KTN1: variants seen among roughly 807,000 people sequenced by gnomAD.
KTN1 encodes kinectin.
A neutral mutation model predicts 222.5 loss-of-function variants in KTN1; 130 were observed. That is an observed-to-expected ratio of 0.58 (90% CI 0.51 to 0.68). KTN1 has a LOEUF of 0.68. KTN1 is among the 30% of genes least tolerant of loss of function. The pLI, the probability that KTN1 is intolerant of heterozygous loss-of-function variation, is 0.00. For synonymous variants in KTN1, 512 were observed against 496.3 expected, an observed-to-expected ratio of 1.03 and a Z score of -0.42; for missense variants, 1,508 against 1,500.4, an observed-to-expected ratio of 1.01 and a Z score of -0.08.
chr14:55,610,847 T>G (rs1385178445), intron 1 of KTN1, among the ~76,000 whole-genome samples: 1 of 152,260 alleles, frequency 6.6e-6, no homozygotes, highest in Non-Finnish European at 1.5e-5. Flanking sequence ...GTAAGTGATA[T>G]GTATATTCAA....
At chr14:55,614,470 C>T (rs2038056510) in intron 2 of KTN1, among the ~76,000 whole-genome samples, 1 of 152,190 alleles carries the variant, frequency 6.6e-6, no homozygotes, top group African/African-American at 2.4e-5. Flanking sequence ...TAAAGCTGAT[C>T]TCCCAAGTTC....
chr14:55,618,261 G>A lies in KTN1; in HGVS notation c.832+127G>A, dbSNP rs925961787. 5.8e-6 allele frequency: 4 copies of A among 688,308 alleles called. 1 individual carries two copies. Among genetic ancestry groups the A allele is most frequent in the Admixed American group, 3.6e-5 (1 of 28,100 alleles). 42.6% of individuals were successfully genotyped at this position (688,308 alleles called of 1,614,324 possible). A position where few individuals can be genotyped will look rare whatever the true frequency, so the allele number is the denominator to read the frequency against. Reference sequence around the variant, plus strand: ...AAAGAATCAAATCCTTGTGGTAGAAGACTTATTGGTAGTCTTTTAGTCCAG... The same window carrying A: ...AAAGAATCAAATCCTTGTGGTAGAAAACTTATTGGTAGTCTTTTAGTCCAG... On this transcript the variant is annotated intron_variant, in intron 4 of 43. Transcript: ENST00000395314.
At chr14:55,604,284 C>T (rs986468631) in intron 1 of KTN1, among the ~76,000 whole-genome samples, 2 of 152,138 alleles carry the variant, frequency 1.3e-5, no homozygotes, top group African/African-American at 4.8e-5. Context: ...GCTTGCTCTT[C>T]CCTCATTCAC....
At chr14:55,653,485 C>T in intron 27 of KTN1, 74 bp from the exon 28 acceptor site, 2 of 1,097,156 alleles carry the variant, frequency 1.8e-6, no homozygotes, top group East Asian at 2.4e-5. Flanking sequence ...GTGGGTGATT[C>T]CATATATATG....
At chr14:55,669,035 T>C (rs1024347651) in intron 34 of KTN1, among the ~76,000 whole-genome samples, 1 of 152,120 alleles carries the variant, frequency 6.6e-6, no homozygotes, top group African/African-American at 2.4e-5. Context: ...AAATTGAACC[T>C]AAGAGAAAGG....
chr14:55,620,562 G>A (rs2038998077), intron 5 of KTN1, among the ~76,000 whole-genome samples: 1 of 152,158 alleles, frequency 6.6e-6, no homozygotes, highest in Non-Finnish European at 1.5e-5. Flanking sequence ...TGACTTCTGT[G>A]CACCCACAGG....
chr14:55,628,362 G>A (rs1347574426), intron 6 of KTN1, among the ~76,000 whole-genome samples: 1 of 152,194 alleles, frequency 6.6e-6, no homozygotes, highest in Non-Finnish European at 1.5e-5. Context: ...TCTTGTTTAA[G>A]TCTGATTAAT....
At chr14:55,587,338 A>G (rs1183002454) in intron 1 of KTN1, among the ~76,000 whole-genome samples, 1 of 152,172 alleles carries the variant, frequency 6.6e-6, no homozygotes. Context: ...ACAATTTGAA[A>G]CATGAATTTC....
chr14:55,659,611 T>A (rs1159827982), intron 30 of KTN1, 55 bp from the exon 31 acceptor site: 6 of 1,057,406 alleles, frequency 5.7e-6, no homozygotes, highest in Non-Finnish European at 8.7e-6. Context: ...AGCTTCAATG[T>A]TTTTAAGTCT....
At chr14:55,667,603 A>G in intron 34 of KTN1, 1 of 209,338 alleles carries the variant, frequency 4.8e-6, no homozygotes, top group Admixed American at 5.8e-5. Context: ...AATGCTAATA[A>G]AACCAATATG....
rs1229498443 is a variant in KTN1, at chr14:55,650,361, A to G, written c.2439A>G (p.Val813=). 2 of 1,610,632 alleles carry G rather than the reference A, an allele frequency of 1.2e-6. No individual in the cohort carries two copies. The highest frequency in any genetic ancestry group is 1.3e-5 in the African/African-American group (1 of 74,690). The change falls in exon 23 of 44, where the codon GTA becomes GTG. Residue 813 remains valine, a synonymous_variant. Coordinates refer to ENST00000395314, the MANE Select transcript of KTN1 (RefSeq NM_001079521.2). The stretch of plus-strand genomic sequence containing the variant: ...AGAAAGATGGAAAGATCAAGTCTGT[A>G]GAAGAGCTTCTGGAGGCAGAACTTC... ...IHEKDGKIKS[V]EELLEAELLK...
At chr14:55,683,971 T>TTCC (rs1237618860) in intron 43 of KTN1, 128 bp from the exon 44 acceptor site, 1 of 617,178 alleles carries the variant, frequency 1.6e-6, no homozygotes, top group Non-Finnish European at 2.7e-6. Context: ...GTGAATTGCT[T>TTCC]TGAGTCTATT....
rs1326934793 is a variant in KTN1, at chr14:55,680,016, T to TC, written c.4069+332dup. ...TTCTGTTCTTAGTTTAGAGTAAGTA[T>TC]CTGTGACCTTTTCTCCCCCCTCCCT... On this transcript the variant is annotated intron_variant, in intron 43 of 43. Transcript: ENST00000395314. 5 of 219,030 alleles carry TC rather than the reference T, an allele frequency of 2.3e-5. No individual in the cohort carries two copies. In the Admixed American group the frequency reaches 2.9e-4, roughly 13 times the overall value. The allele number at this position is 219,030 out of a possible 1,614,324, so 13.6% of individuals were successfully genotyped here.
At chr14:55,649,859 T>A (rs1278407656) in intron 22 of KTN1, 46 bp downstream of exon 22, 1 of 320,930 alleles carries the variant, frequency 3.1e-6, no homozygotes, top group Non-Finnish European at 4.6e-6. Flanking sequence ...CTTTGGTCCA[T>A]TTTTTTTTTG....
intron 14 of KTN1, among the ~76,000 whole-genome samples, 160 bp downstream of exon 14, chr14:55,640,163 G>A (rs1196378626): frequency 2.6e-5 from 4 of 151,878 alleles, no homozygotes; most frequent in African/African-American, 9.6e-5. Flanking sequence ...AGCTCTCTAC[G>A]AGGAAAAATT....
intron 22 of KTN1, 108 bp from the exon 23 acceptor site, chr14:55,650,220 A>G: frequency 2.7e-6 from 2 of 735,582 alleles, no homozygotes; most frequent in Non-Finnish European, 4.6e-6. Context: ...TTTATTTAAA[A>G]TGGGAAAGGG....
intron 9 of KTN1, among the ~76,000 whole-genome samples, chr14:55,635,953 A>G (rs758884184): frequency 6.6e-6 from 1 of 152,198 alleles, no homozygotes; most frequent in Non-Finnish European, 1.5e-5. Context: ...CTACTGGCAT[A>G]GATACGGAAG....
At chr14:55,582,952 C>T (rs1201359642) in intron 1 of KTN1, among the ~76,000 whole-genome samples, 2 of 152,176 alleles carry the variant, frequency 1.3e-5, no homozygotes, top group African/African-American at 2.4e-5. Context: ...GGTGATCACT[C>T]ATGCTCAAAG....
Position 55,640,946 on chromosome 14 carries a change from A to C in KTN1, c.1997A>C (p.His666Pro). ...ALANEQAAAA[H>P]ELEKMQQSVY... is the part of the protein sequence containing the mutation. ...TTCCACACACAGGCTGCTGCTGCAC[A>C]TGAATTGGAGAAGATGCAACAAAGG... Residue 666 changes from histidine (H) to proline (P), a missense_variant, in exon 16 of 44, where the codon CAT becomes CCT. Physicochemically the swap from His to Pro is moderately conservative, Grantham distance 77. Transcript: ENST00000395314. The C allele has an allele frequency of 3.1e-6, 5 of 1,612,196 alleles. No individual in the cohort carries two copies. Among genetic ancestry groups the C allele is most frequent in the Non-Finnish European group, 4.2e-6 (5 of 1,178,712 alleles).
Sources: allele counts gnomAD v4.1 joint callset (sites outside exome capture counted in the v4.1 genomes callset), GRCh38; gene constraint gnomAD v4.1.1; transcripts MANE v1.5; gene names NCBI Gene and HGNC (gene_info 2026-07-23, HGNC 2026-07-21).